The following PLCB4 variants were observed in gnomAD, a reference collection of about 807,000 sequenced individuals.
PLCB4 encodes the protein phospholipase C beta 4.
In PLCB4, 77 loss-of-function variants were observed where a neutral mutation model predicts 178.8. The observed-to-expected ratio is 0.43, with a 90% CI of 0.36 to 0.52. The LOEUF (loss-of-function observed/expected upper bound fraction) is 0.52, where lower values mean the gene tolerates loss of function less well. Among genes scored for constraint, PLCB4 ranks in the 20% least tolerant of loss-of-function variants. PLCB4 has a pLI of 0.00. For synonymous variants in PLCB4, 496 were observed against 490.8 expected (o/e 1.01, Z -0.14); for missense variants, 1,024 against 1,453.4 (o/e 0.70, Z 4.80).
rs1308512738 is a variant in PLCB4 at position 9,376,391 on chromosome 20, A to G, written c.744+3287A>G. On this transcript the variant is annotated intron_variant, in intron 12 of 39. Coordinates refer to ENST00000378473, the MANE Select transcript of PLCB4 (RefSeq NM_001377142.1). The stretch of plus-strand genomic sequence containing the variant: ...TGTGAGTGGGAAGAATATGAGAGCG[A>G]CATATACCTTCTGTTATTCTCCATT... 2.0e-5 allele frequency among the ~76,000 whole-genome samples: 3 copies of G among 152,204 alleles called. No homozygotes were observed. In the East Asian group the frequency reaches 5.8e-4, roughly 29 times the overall value.
chr20:9,207,383 A>G lies in PLCB4; in HGVS notation c.-78-10007A>G. Among the ~76,000 whole-genome samples, 2 of 152,232 alleles carry G rather than the reference A, an allele frequency of 1.3e-5. 1 individual carries two copies. The highest frequency in any genetic ancestry group is 2.9e-5 in the Non-Finnish European group (2 of 68,042). On this transcript the variant is annotated intron_variant, in intron 2 of 39. Coordinates refer to ENST00000378473, the MANE Select transcript of PLCB4 (RefSeq NM_001377142.1). Reference sequence around the variant, plus strand: ...CATCTTACAAGTACCAAGAAACATCACTGAGTAAATGTCCTAACACAAGGA... The same window carrying G: ...CATCTTACAAGTACCAAGAAACATCGCTGAGTAAATGTCCTAACACAAGGA...
intron 19 of PLCB4, among the ~76,000 whole-genome samples, chr20:9,400,805 C>G (rs2038967003): frequency 6.6e-6 from 1 of 152,180 alleles, no homozygotes; most frequent in African/African-American, 2.4e-5. Flanking sequence ...TTGTCACTTT[C>G]CTGGACCAAT....
intron 35 of PLCB4, among the ~76,000 whole-genome samples, chr20:9,462,956 A>G (rs1282699448): frequency 5.3e-5 from 8 of 152,174 alleles, no homozygotes; most frequent in Non-Finnish European, 2.9e-5. Context: ...ACCCTAAGAC[A>G]CATAATTGTC....
At chr20:9,234,309 T>G (rs2093968753) in intron 3 of PLCB4, among the ~76,000 whole-genome samples, 1 of 152,162 alleles carries the variant, frequency 6.6e-6, no homozygotes, top group Non-Finnish European at 1.5e-5. Flanking sequence ...TATATGAGTC[T>G]GGAGCAGTCA....
intron 3 of PLCB4, among the ~76,000 whole-genome samples, chr20:9,291,628 A>G (rs1038846840): frequency 6.6e-6 from 1 of 152,228 alleles, no homozygotes; most frequent in East Asian, 1.9e-4. Context: ...TTTTCTCACT[A>G]TCTCTATTTT....
chr20:9,369,433 C>T (rs2036055622), intron 9 of PLCB4, among the ~76,000 whole-genome samples: 1 of 152,058 alleles, frequency 6.6e-6, no homozygotes, highest in Non-Finnish European at 1.5e-5. Flanking sequence ...TTTTGTCTTA[C>T]CCCAAATTTA....
intron 2 of PLCB4, among the ~76,000 whole-genome samples, chr20:9,117,837 G>A (rs1478565864): frequency 6.6e-6 from 1 of 152,116 alleles, no homozygotes; most frequent in Non-Finnish European, 1.5e-5. Flanking sequence ...TTCTTGCTCA[G>A]CTGTCACTTC....
At chr20:9,165,793 TTGTGTGTGTG>T (rs3036061) in intron 2 of PLCB4, among the ~76,000 whole-genome samples, 219 of 139,742 alleles carry the variant, frequency 1.6e-3, no homozygotes, top group African/African-American at 3.3e-3. Context: ...CTGGGGCTGT[TTGTGTGTGTG>T]TGTGTGTGTG....
intron 2 of PLCB4, among the ~76,000 whole-genome samples, chr20:9,206,299 C>CTTTTTTTTTTTTTTTT (rs71184138): frequency 4.7e-3 from 451 of 95,862 alleles, no homozygotes; most frequent in Non-Finnish European, 6.3e-3. Flanking sequence ...TTTCTTTTTT[C>CTTTTTTTTTTTTTTTT]TTTTTTTTTT....
chr20:9,260,246 T>A (rs191546194), intron 3 of PLCB4, among the ~76,000 whole-genome samples: 2 of 152,030 alleles, frequency 1.3e-5, no homozygotes, highest in Non-Finnish European at 2.9e-5. Context: ...TAAGAAAAAA[T>A]AAATAAAATA....
intron 28 of PLCB4, among the ~76,000 whole-genome samples, chr20:9,425,151 G>A (rs929458878): frequency 6.6e-6 from 1 of 152,134 alleles, no homozygotes; most frequent in African/African-American, 2.4e-5. Flanking sequence ...CTGGGTAAGA[G>A]GATCAGAAAG....
At chr20:9,455,201 A>G (rs552011669) in intron 33 of PLCB4, among the ~76,000 whole-genome samples, 36 of 152,338 alleles carry the variant, frequency 2.4e-4, no homozygotes, top group Non-Finnish European at 4.7e-4. Context: ...ATGACTTTAT[A>G]GTACTCTCCA....
chr20:9,349,596 C>A (rs2034143947), intron 7 of PLCB4, among the ~76,000 whole-genome samples: 1 of 152,122 alleles, frequency 6.6e-6, no homozygotes, highest in Non-Finnish European at 1.5e-5. Context: ...GTGCTGGAGC[C>A]TTTCTCACCA....
rs567422305 is a variant in PLCB4 at position 9,390,990 on chromosome 20, G to C, written c.1323+375G>C. ...TTGGAGACTGATTTAATTGATGCAGGGTCAGCCCTGAGCATGGTGTTTTAA... is the reference window on the plus strand; with the variant it reads ...TTGGAGACTGATTTAATTGATGCAGCGTCAGCCCTGAGCATGGTGTTTTAA... On this transcript the variant is annotated intron_variant, in intron 17 of 39. Coordinates refer to ENST00000378473, the MANE Select transcript of PLCB4 (RefSeq NM_001377142.1). 2.4e-4 allele frequency among the ~76,000 whole-genome samples: 36 copies of C among 152,168 alleles called. No individual in the cohort carries two copies. The East Asian group carries it at 6.8e-3, about 29-fold the overall frequency.
At chr20:9,238,785 T>C (rs975276154) in intron 3 of PLCB4, among the ~76,000 whole-genome samples, 3 of 152,240 alleles carry the variant, frequency 2.0e-5, no homozygotes, top group Non-Finnish European at 2.9e-5. Context: ...GGATAGCCAA[T>C]TGGGCTGGAC....
intron 22 of PLCB4, 55 bp downstream of exon 22, chr20:9,408,113 G>T: frequency 7.0e-7 from 1 of 1,419,282 alleles, no homozygotes; most frequent in Non-Finnish European, 9.7e-7. Context: ...CTTTTATGGT[G>T]CTGATGAGCT....
rs77579380 is a variant in PLCB4 at position 9,470,696 on chromosome 20, A to G, written c.3350+2024A>G. 6.2e-3 allele frequency among the ~76,000 whole-genome samples: 944 copies of G among 152,258 alleles called. 9 individuals are homozygous for G. Among genetic ancestry groups the G allele is most frequent in the African/African-American group, 0.021 (854 of 41,548 alleles). ...CTGTACTTATTTGTTGTAACTTTCT[A>G]TTTTTATTTGTGCAACTGTATGGGG... On this transcript the variant is annotated intron_variant, in intron 36 of 39. Transcript: ENST00000378473.
chr20:9,128,972 G>C (rs2092204052), intron 2 of PLCB4, among the ~76,000 whole-genome samples: 1 of 152,098 alleles, frequency 6.6e-6, no homozygotes, highest in South Asian at 2.1e-4. Context: ...TGTGCTCAAG[G>C]TTCATCCATA....
chr20:9,324,532 T>C (rs2030089697), intron 4 of PLCB4, among the ~76,000 whole-genome samples: 1 of 152,234 alleles, frequency 6.6e-6, no homozygotes, highest in African/African-American at 2.4e-5. Flanking sequence ...CTTCCCATTC[T>C]CATTTCCCTA....
Sources: gnomAD v4.1 joint callset for allele counts (sites outside exome capture counted in the v4.1 genomes callset) on GRCh38, gnomAD v4.1.1 for gene constraint, MANE v1.5 for transcripts, NCBI Gene and HGNC (gene_info 2026-07-23, HGNC 2026-07-21) for gene names.